CSMD1: variants seen among roughly 807,000 people sequenced by gnomAD.
CSMD1 encodes the protein CUB and sushi domain-containing protein 1.
A neutral mutation model predicts 417.5 loss-of-function variants in CSMD1; 213 were observed. That is an observed-to-expected ratio of 0.51 (90% CI 0.46 to 0.57). The LOEUF (loss-of-function observed/expected upper bound fraction) is 0.57. Ranked by LOEUF, CSMD1 falls within the 20% of genes least tolerant of loss-of-function variation. The pLI, the probability that CSMD1 is intolerant of heterozygous loss-of-function variation, is 0.00. For missense variants in CSMD1, 6,923 were observed against 4,529.7 expected (o/e 1.53, Z -15.17); for synonymous variants, 2,862 against 1,736.8 (o/e 1.65, Z -16.11).
intron 1 of CSMD1, among the ~76,000 whole-genome samples, chr8:4,937,070 A>C (rs903267272): frequency 2.0e-5 from 3 of 152,236 alleles, no homozygotes; most frequent in African/African-American, 7.2e-5. Flanking sequence ...ATAATTAGCC[A>C]GGCATTGTGG....
At chr8:4,524,138 C>G (rs753502755) in intron 2 of CSMD1, among the ~76,000 whole-genome samples, 1 of 151,974 alleles carries the variant, frequency 6.6e-6, no homozygotes, top group South Asian at 2.1e-4. Flanking sequence ...AAAGGAAATC[C>G]AGACCTATGC....
intron 3 of CSMD1, among the ~76,000 whole-genome samples, chr8:4,414,565 A>T (rs1434318418): frequency 6.6e-6 from 1 of 152,222 alleles, no homozygotes; most frequent in African/African-American, 2.4e-5. Context: ...ACTATAGATC[A>T]TATAATCTCT....
At chr8:3,037,922 G>T (rs561166465) in intron 50 of CSMD1, among the ~76,000 whole-genome samples, 75 of 152,218 alleles carry the variant, frequency 4.9e-4, no homozygotes, top group African/African-American at 1.7e-3. Context: ...CATATTCTTA[G>T]GGTTTCGAAT....
At chr8:3,623,828 T>C (rs1406819740) in intron 7 of CSMD1, among the ~76,000 whole-genome samples, 1 of 151,932 alleles carries the variant, frequency 6.6e-6, no homozygotes, top group Admixed American at 6.6e-5. Flanking sequence ...ATTAAAAAAA[T>C]TAGCTGGGCG....
At chr8:4,435,804 G>T (rs570502650) in intron 2 of CSMD1, among the ~76,000 whole-genome samples, 5 of 152,286 alleles carry the variant, frequency 3.3e-5, no homozygotes, top group African/African-American at 1.2e-4. Context: ...AAGACAGACC[G>T]TGTCCCGAAC....
At chr8:3,308,068 AAT>A (rs1002681768) in intron 24 of CSMD1, among the ~76,000 whole-genome samples, 2 of 30,782 alleles carry the variant, frequency 6.5e-5, no homozygotes, top group Non-Finnish European at 7.2e-5. Flanking sequence ...TAATTCTAAT[AAT>A]ATGTGATAAT....
chr8:4,641,341 G>C (rs186145771), intron 1 of CSMD1, among the ~76,000 whole-genome samples: 39 of 152,208 alleles, frequency 2.6e-4, no homozygotes, highest in Non-Finnish European at 4.0e-4. Context: ...CAGAATGTTA[G>C]ATATAGAAGA....
chr8:3,944,804 G>A (rs555818752), intron 5 of CSMD1, among the ~76,000 whole-genome samples: 11 of 152,050 alleles, frequency 7.2e-5, no homozygotes, highest in Middle Eastern at 3.4e-3. Context: ...CTGTTTTTGC[G>A]TTTCTTCCCC....
At chr8:4,559,137 T>C (rs1399546720) in intron 2 of CSMD1, among the ~76,000 whole-genome samples, 1 of 152,204 alleles carries the variant, frequency 6.6e-6, no homozygotes, top group Non-Finnish European at 1.5e-5. Context: ...AAATAGGCCC[T>C]TGCTTGGAAT....
intron 12 of CSMD1, among the ~76,000 whole-genome samples, chr8:3,422,112 T>G (rs1370015505): frequency 6.6e-6 from 1 of 152,046 alleles, no homozygotes; most frequent in Non-Finnish European, 1.5e-5. Flanking sequence ...GACTAGATGA[T>G]CAATGAAATC....
chr8:4,868,458 A>G (rs1585237148), intron 1 of CSMD1, among the ~76,000 whole-genome samples: 1 of 151,942 alleles, frequency 6.6e-6, no homozygotes, highest in South Asian at 2.1e-4. Flanking sequence ...CTGGTCTCAA[A>G]CTCCTGACCT....
At chr8:3,046,894 G>C (rs1387195785) in intron 50 of CSMD1, among the ~76,000 whole-genome samples, 2 of 151,468 alleles carry the variant, frequency 1.3e-5, no homozygotes, top group East Asian at 1.9e-4. Context: ...GAATCACGTA[G>C]CTTAGATAAA....
intron 1 of CSMD1, chr8:4,787,688 T>C (rs1018613976): frequency 5.0e-6 from 8 of 1,590,190 alleles, no homozygotes; most frequent in Admixed American, 5.0e-5. Context: ...CCACCTAAAG[T>C]GGAGTTGTTT....
chr8:3,770,105 C>T (rs1012388392), intron 5 of CSMD1, among the ~76,000 whole-genome samples: 8 of 152,196 alleles, frequency 5.3e-5, no homozygotes, highest in Admixed American at 1.3e-4. Context: ...TCCATCAGAG[C>T]GATTGGCACA....
intron 1 of CSMD1, among the ~76,000 whole-genome samples, chr8:4,762,106 C>T (rs1812148612): frequency 1.3e-5 from 2 of 152,104 alleles, no homozygotes; most frequent in Admixed American, 6.6e-5. Flanking sequence ...AACTCAATTT[C>T]CCCTATAAAA....
chr8:3,212,670 G>A (rs944904214), intron 30 of CSMD1, among the ~76,000 whole-genome samples: 8 of 151,886 alleles, frequency 5.3e-5, no homozygotes, highest in African/African-American at 1.5e-4. Flanking sequence ...CTTACTCTGT[G>A]CCAGTCTCTA....
At chr8:3,129,295 G>A (rs1480240871) in intron 41 of CSMD1, among the ~76,000 whole-genome samples, 2 of 152,126 alleles carry the variant, frequency 1.3e-5, no homozygotes, top group Admixed American at 6.6e-5. Context: ...TAAATATTTT[G>A]TGAGTCAACC....
At chr8:3,160,714 T>C (rs1375105844) in intron 38 of CSMD1, among the ~76,000 whole-genome samples, 1 of 152,246 alleles carries the variant, frequency 6.6e-6, no homozygotes, top group African/African-American at 2.4e-5. Flanking sequence ...TACAATAGTT[T>C]TCCTATACTA....
At chr8:3,139,970 T>C (rs983366706) in intron 41 of CSMD1, among the ~76,000 whole-genome samples, 6 of 151,640 alleles carry the variant, frequency 4.0e-5, no homozygotes, top group Non-Finnish European at 8.8e-5. Flanking sequence ...TGGTGTGATC[T>C]TGGCTCACTG....
Sources: gnomAD v4.1 joint callset for allele counts (sites outside exome capture counted in the v4.1 genomes callset) on GRCh38, gnomAD v4.1.1 for gene constraint, MANE v1.5 for transcripts, NCBI Gene and HGNC (gene_info 2026-07-23, HGNC 2026-07-21) for gene names.